The following THRB variants were observed in gnomAD, a reference collection of about 807,000 sequenced individuals.
The protein encoded by THRB is nuclear receptor subfamily 1 group A member 2.
THRB carries 12 observed loss-of-function variants against 47.8 expected under a neutral mutation model. The observed-to-expected ratio is 0.25, with a 90% CI of 0.16 to 0.41. The LOEUF (loss-of-function observed/expected upper bound fraction) is 0.41. Ranked by LOEUF, THRB falls within the 10% of genes least tolerant of loss-of-function variation. THRB has a pLI of 1.00. For synonymous variants in THRB, 218 were observed against 212.2 expected, an observed-to-expected ratio of 1.03 and a Z score of -0.24; for missense variants, 348 against 589.2, an observed-to-expected ratio of 0.59 and a Z score of 4.24.
chr3:24,436,677 A>C (rs1003052768), intron 1 of THRB, among the ~76,000 whole-genome samples: 1 of 152,146 alleles, frequency 6.6e-6, no homozygotes, highest in African/African-American at 2.4e-5. Context: ...ATTCTGAGGA[A>C]TGCATTTCTA....
chr3:24,217,527 G>A (rs2046696457), intron 4 of THRB, among the ~76,000 whole-genome samples: 1 of 150,812 alleles, frequency 6.6e-6, no homozygotes, highest in Non-Finnish European at 1.5e-5. Context: ...AGGGACGTGT[G>A]TGTTGGGAGA....
chr3:24,452,308 C>T (rs1218223940), intron 1 of THRB, among the ~76,000 whole-genome samples: 2 of 152,124 alleles, frequency 1.3e-5, no homozygotes, highest in East Asian at 3.9e-4. Context: ...TTGGCACCCC[C>T]TTCCGTTTGG....
At chr3:24,264,103 A>C (rs1238784086) in intron 3 of THRB, among the ~76,000 whole-genome samples, 1 of 152,100 alleles carries the variant, frequency 6.6e-6, no homozygotes, top group East Asian at 1.9e-4. Context: ...CAGGGTAAAA[A>C]CCAAGTTCCC....
chr3:24,247,227 T>A (rs2050192497), intron 3 of THRB, among the ~76,000 whole-genome samples: 2 of 152,216 alleles, frequency 1.3e-5, no homozygotes, highest in African/African-American at 4.8e-5. Context: ...TCACCATACA[T>A]CTTACACATG....
At chr3:24,204,070 T>A (rs1464551584) in intron 4 of THRB, among the ~76,000 whole-genome samples, 1 of 152,240 alleles carries the variant, frequency 6.6e-6, no homozygotes, top group Non-Finnish European at 1.5e-5. Context: ...CTGTAGACTC[T>A]ACCTCTGGGG....
intron 3 of THRB, among the ~76,000 whole-genome samples, chr3:24,285,594 G>A (rs1368518296): frequency 6.6e-6 from 1 of 150,896 alleles, no homozygotes; most frequent in African/African-American, 2.4e-5. Context: ...AAAAAAAAAA[G>A]CCATAGAACC....
chr3:24,422,570 G>C (rs1389295603), intron 1 of THRB, among the ~76,000 whole-genome samples: 2 of 152,028 alleles, frequency 1.3e-5, no homozygotes, highest in South Asian at 2.1e-4. Context: ...TGAAAGCTTA[G>C]ATTTCCATTT....
intron 1 of THRB, among the ~76,000 whole-genome samples, chr3:24,384,994 C>A (rs549153905): frequency 6.6e-6 from 1 of 151,982 alleles, no homozygotes; most frequent in Non-Finnish European, 1.5e-5. Context: ...TATACTACTT[C>A]AATTAAAACA....
At chr3:24,449,671 G>A (rs1577655616) in intron 1 of THRB, among the ~76,000 whole-genome samples, 1 of 152,130 alleles carries the variant, frequency 6.6e-6, no homozygotes, top group Admixed American at 6.6e-5. Context: ...TCAAAATAGG[G>A]AAGCCGGTCC....
At chr3:24,269,389 G>GCGCA (rs1553683584) in intron 3 of THRB, among the ~76,000 whole-genome samples, 6 of 38,220 alleles carry the variant, frequency 1.6e-4, no homozygotes, top group African/African-American at 5.2e-4. Flanking sequence ...TAGCTCACAC[G>GCGCA]CGCGCGCGCG....
At chr3:24,365,876 A>G (rs1197383887) in intron 1 of THRB, among the ~76,000 whole-genome samples, 1 of 152,158 alleles carries the variant, frequency 6.6e-6, no homozygotes, top group Non-Finnish European at 1.5e-5. Flanking sequence ...TTCTCCCACC[A>G]ATAATTTCAA....
At chr3:24,336,722 C>CCTTTTTTTTT (rs1167185445) in intron 2 of THRB, among the ~76,000 whole-genome samples, 47 of 135,928 alleles carry the variant, frequency 3.5e-4, no homozygotes, top group African/African-American at 4.4e-4. Flanking sequence ...AATTCTCATG[C>CCTTTTTTTTT]TTTTTTTTTT....
At chr3:24,123,167 A>G in intron 10 of THRB, 42 bp from the exon 11 acceptor site, 1 of 1,612,568 alleles carries the variant, frequency 6.2e-7, no homozygotes, top group Non-Finnish European at 8.5e-7. Flanking sequence ...CAGAGATGGA[A>G]GGGGGAAGGC....
At chr3:24,136,994 A>G (rs748988263) in intron 8 of THRB, among the ~76,000 whole-genome samples, 5 of 152,290 alleles carry the variant, frequency 3.3e-5, no homozygotes, top group African/African-American at 4.8e-5. Context: ...CTCAAGTTCT[A>G]TCTTCTCCTA....
chr3:24,487,135 T>C (rs939186641), intron 1 of THRB, among the ~76,000 whole-genome samples: 21 of 151,358 alleles, frequency 1.4e-4, no homozygotes, highest in Non-Finnish European at 2.9e-4. Flanking sequence ...CAGTGTTGTA[T>C]ACAAGTTGCT....
At chr3:24,238,274 T>TGG (rs2049088269) in intron 3 of THRB, among the ~76,000 whole-genome samples, 1 of 7,970 alleles carries the variant, frequency 1.3e-4, no homozygotes, top group Non-Finnish European at 3.1e-4. Context: ...TGTGTGTGTG[T>TGG]GTGTGGGGGG....
intron 9 of THRB, among the ~76,000 whole-genome samples, chr3:24,129,244 T>C (rs1437669141): frequency 6.6e-6 from 1 of 152,202 alleles, no homozygotes; most frequent in East Asian, 1.9e-4. Context: ...TAGGTTCTGA[T>C]TGTTAAACAC....
chr3:24,133,002 C>A (rs1023710630), intron 9 of THRB, among the ~76,000 whole-genome samples: 8 of 152,172 alleles, frequency 5.3e-5, no homozygotes, highest in African/African-American at 1.7e-4. Context: ...ACCTGAGCAC[C>A]TGAGTGTGGT....
chr3:24,245,092 TGAG>T (rs1286371199), intron 3 of THRB, among the ~76,000 whole-genome samples: 1 of 152,226 alleles, frequency 6.6e-6, no homozygotes, highest in Non-Finnish European at 1.5e-5. Context: ...CGTGATGATA[TGAG>T]AAGACTCTTG....
Sources: allele counts gnomAD v4.1 joint callset (sites outside exome capture counted in the v4.1 genomes callset), GRCh38; gene constraint gnomAD v4.1.1; transcripts MANE v1.5; gene names NCBI Gene and HGNC (gene_info 2026-07-23, HGNC 2026-07-21).